SCAPER: variants seen among roughly 807,000 people sequenced by gnomAD.
SCAPER encodes S-phase cyclin A associated protein in the ER.
A neutral mutation model predicts 182.2 loss-of-function variants in SCAPER; 98 were observed. The ratio of observed to expected loss-of-function variants is 0.54; its 90% CI spans 0.46 to 0.64. SCAPER has a LOEUF of 0.64. Among genes scored for constraint, SCAPER ranks in the 30% least tolerant of loss-of-function variants. SCAPER has a pLI of 0.00. For synonymous variants in SCAPER, 605 were observed against 564.6 expected, an observed-to-expected ratio of 1.07 and a Z score of -1.01; for missense variants, 1,432 against 1,690.0, an observed-to-expected ratio of 0.85 and a Z score of 2.68.
At chr15:76,533,690 C>G (rs191639504) in intron 23 of SCAPER, among the ~76,000 whole-genome samples, 54 of 123,168 alleles carry the variant, frequency 4.4e-4, no homozygotes, top group African/African-American at 2.0e-3. Flanking sequence ...TTCCTTCACT[C>G]TTGCTCAGTA....
intron 20 of SCAPER, among the ~76,000 whole-genome samples, chr15:76,700,724 C>T (rs898335117): frequency 6.6e-6 from 1 of 152,170 alleles, no homozygotes; most frequent in Non-Finnish European, 1.5e-5. Context: ...TATTCAACTA[C>T]AGACATGTTC....
At chr15:76,855,081 C>T (rs2071202443) in intron 4 of SCAPER, among the ~76,000 whole-genome samples, 1 of 151,950 alleles carries the variant, frequency 6.6e-6, no homozygotes, top group South Asian at 2.1e-4. Context: ...CAAAAACAGA[C>T]ACAAAGATCA....
Position 76,629,118 on chromosome 15 carries a change from G to C in SCAPER, c.2646-7289C>G, listed in dbSNP as rs1299480235. On this transcript the variant is annotated intron_variant, in intron 21 of 31. Coordinates refer to ENST00000563290, the MANE Select transcript of SCAPER (RefSeq NM_020843.4). ...CTTGTAACTTTTGCACATTGATTTT[G>C]TATCGTGAGACTTTGCTTATCAGCT... 2.0e-5 allele frequency among the ~76,000 whole-genome samples: 3 copies of C among 152,200 alleles called. No homozygotes were observed. The East Asian group carries it at 5.8e-4, about 29-fold the overall frequency.
chr15:76,687,258 A>C (rs1168764219), intron 20 of SCAPER, among the ~76,000 whole-genome samples: 1 of 152,166 alleles, frequency 6.6e-6, no homozygotes, highest in East Asian at 1.9e-4. Context: ...ATTTGATCTA[A>C]TATATGTTAT....
chr15:76,801,251 C>G (rs775354786), intron 6 of SCAPER, among the ~76,000 whole-genome samples: 3 of 152,110 alleles, frequency 2.0e-5, no homozygotes, highest in Non-Finnish European at 4.4e-5. Flanking sequence ...TACTACTACT[C>G]TTATGGCTAC....
At chr15:76,432,681 G>A (rs191455027) in intron 26 of SCAPER, among the ~76,000 whole-genome samples, 1 of 152,364 alleles carries the variant, frequency 6.6e-6, no homozygotes, top group East Asian at 1.9e-4. Flanking sequence ...AGATGCCAAA[G>A]TAGGAGTAAA....
intron 1 of SCAPER, among the ~76,000 whole-genome samples, chr15:76,884,724 G>C (rs1441930848): frequency 6.6e-6 from 1 of 152,118 alleles, no homozygotes; most frequent in Non-Finnish European, 1.5e-5. Flanking sequence ...GTTCACAGCA[G>C]CATTATTCAT....
chr15:76,535,871 G>A (rs368283977), intron 23 of SCAPER, among the ~76,000 whole-genome samples: 1 of 152,188 alleles, frequency 6.6e-6, no homozygotes, highest in East Asian at 1.9e-4. Context: ...GGTCTCAGTA[G>A]TCATAGGGTC....
chr15:76,362,586 T>C (rs531735273), intron 29 of SCAPER, among the ~76,000 whole-genome samples: 1 of 151,948 alleles, frequency 6.6e-6, no homozygotes, highest in South Asian at 2.1e-4. Flanking sequence ...CTAATTTTTT[T>C]ATCCTTAGTA....
At chr15:76,682,091 T>TA (rs2057745944) in intron 20 of SCAPER, among the ~76,000 whole-genome samples, 1 of 152,168 alleles carries the variant, frequency 6.6e-6, no homozygotes, top group African/African-American at 2.4e-5. Flanking sequence ...TCTTCATATG[T>TA]TCTTTGTCAA....
intron 21 of SCAPER, among the ~76,000 whole-genome samples, chr15:76,644,822 T>A (rs1354656768): frequency 1.3e-5 from 2 of 152,068 alleles, no homozygotes; most frequent in African/African-American, 4.8e-5. Flanking sequence ...AAGAAAACCA[T>A]TTTCCTAATT....
At chr15:76,613,656 A>G (rs2051196513) in intron 22 of SCAPER, among the ~76,000 whole-genome samples, 1 of 152,262 alleles carries the variant, frequency 6.6e-6, no homozygotes, top group African/African-American at 2.4e-5. Context: ...CATATGAAAA[A>G]AAGTTCCACA....
At chr15:76,672,104 T>C (rs547056688) in intron 20 of SCAPER, among the ~76,000 whole-genome samples, 2 of 152,134 alleles carry the variant, frequency 1.3e-5, no homozygotes, top group Admixed American at 6.5e-5. Flanking sequence ...GGAATTTAAA[T>C]TGTACAAACT....
At chr15:76,381,776 A>G (rs1216614175) in intron 27 of SCAPER, among the ~76,000 whole-genome samples, 161 bp from the exon 28 acceptor site, 4 of 152,146 alleles carry the variant, frequency 2.6e-5, no homozygotes, top group Non-Finnish European at 5.9e-5. Flanking sequence ...AGCCCTCCCC[A>G]CCAACTGCAC....
chr15:76,431,701 A>AAAAAAAAAAAAAAAAAAAAAAC (rs2046878176), intron 26 of SCAPER, among the ~76,000 whole-genome samples: 1 of 142,628 alleles, frequency 7.0e-6, no homozygotes, highest in Non-Finnish European at 1.5e-5. Context: ...AAAAAAAAAA[A>AAAAAAAAAAAAAAAAAAAAAAC]AAATGCTTTG....
chr15:76,748,948 A>G (rs2151164449), intron 15 of SCAPER, among the ~76,000 whole-genome samples: 1 of 152,206 alleles, frequency 6.6e-6, no homozygotes, highest in Middle Eastern at 3.4e-3. Context: ...TTAAACAATA[A>G]ATTGTATCAA....
intron 5 of SCAPER, among the ~76,000 whole-genome samples, chr15:76,810,949 C>T (rs1406085541): frequency 1.3e-5 from 2 of 151,782 alleles, no homozygotes; most frequent in Non-Finnish European, 2.9e-5. Context: ...CCTTACGTAA[C>T]AATAAAAGGA....
At chr15:76,527,675 C>T (rs959201545) in intron 23 of SCAPER, among the ~76,000 whole-genome samples, 6 of 152,180 alleles carry the variant, frequency 3.9e-5, no homozygotes, top group African/African-American at 1.2e-4. Flanking sequence ...TATTCCAATC[C>T]TAGTCACAAC....
At chr15:76,744,386 G>A (rs926191518) in intron 15 of SCAPER, among the ~76,000 whole-genome samples, 2 of 151,990 alleles carry the variant, frequency 1.3e-5, no homozygotes, top group Non-Finnish European at 2.9e-5. Context: ...TGCAAACAAT[G>A]CATCTAACAA....
Sources: gnomAD v4.1 joint callset for allele counts (sites outside exome capture counted in the v4.1 genomes callset) on GRCh38, gnomAD v4.1.1 for gene constraint, MANE v1.5 for transcripts, NCBI Gene and HGNC (gene_info 2026-07-23, HGNC 2026-07-21) for gene names.